The following ITPR1 variants were observed in gnomAD, a reference collection of about 807,000 sequenced individuals.
ITPR1 encodes inositol 1,4,5-trisphosphate-gated calcium channel ITPR1.
In ITPR1, 96 loss-of-function variants were observed where a neutral mutation model predicts 318.4. That is an observed-to-expected ratio of 0.30 (90% CI 0.26 to 0.36). The LOEUF (loss-of-function observed/expected upper bound fraction) is 0.36, where lower values mean the gene tolerates loss of function less well. ITPR1 is among the 10% of genes least tolerant of loss of function. The pLI is 1.00. For missense variants in ITPR1, 2,440 were observed against 3,460.2 expected (o/e 0.71, Z 7.40); for synonymous variants, 1,312 against 1,289.9 (o/e 1.02, Z -0.37).
chr3:4,774,419 T>A (rs923000093), intron 46 of ITPR1, among the ~76,000 whole-genome samples: 15 of 152,232 alleles, frequency 9.9e-5, no homozygotes, highest in Non-Finnish European at 1.3e-4. Context: ...ATTTAATCTT[T>A]TCCTATTGCC....
intron 4 of ITPR1, among the ~76,000 whole-genome samples, chr3:4,534,198 A>C (rs151105365): frequency 1.5e-3 from 233 of 152,244 alleles, no homozygotes; most frequent in Non-Finnish European, 2.6e-3. Context: ...TTGGTCTTTT[A>C]GTGTACCCAT....
At chr3:4,749,034 A>T (rs2044311315) in intron 44 of ITPR1, among the ~76,000 whole-genome samples, 1 of 152,224 alleles carries the variant, frequency 6.6e-6, no homozygotes. Flanking sequence ...GACATGACCC[A>T]GAACCAGGCA....
At chr3:4,825,335 G>C (rs2106518396) in intron 60 of ITPR1, among the ~76,000 whole-genome samples, 1 of 152,318 alleles carries the variant, frequency 6.6e-6, no homozygotes, top group Admixed American at 6.5e-5. Flanking sequence ...GGCTCAATGT[G>C]GCAGCAAGTG....
chr3:4,803,286 A>T (rs1333313665), intron 54 of ITPR1, among the ~76,000 whole-genome samples: 1 of 152,086 alleles, frequency 6.6e-6, no homozygotes, highest in Non-Finnish European at 1.5e-5. Flanking sequence ...TTTGGGGGGG[A>T]CACAGAACCA....
intron 44 of ITPR1, among the ~76,000 whole-genome samples, chr3:4,741,616 C>A (rs2043710760): frequency 6.6e-6 from 1 of 152,058 alleles, no homozygotes; most frequent in African/African-American, 2.4e-5. Flanking sequence ...AATCTCACAT[C>A]CCTTCCGGAA....
chr3:4,500,303 T>G (rs1040607114), intron 2 of ITPR1, among the ~76,000 whole-genome samples: 1 of 152,140 alleles, frequency 6.6e-6, no homozygotes, highest in Non-Finnish European at 1.5e-5. Context: ...GGGCTCAAGC[T>G]ACCCTCTCAC....
chr3:4,697,350 G>A (rs2094575908), intron 34 of ITPR1, 78 bp downstream of exon 34: 1 of 1,366,174 alleles, frequency 7.3e-7, no homozygotes, highest in Non-Finnish European at 9.9e-7. Context: ...GTGTGTGTGT[G>A]TGTAGCATCT....
At chr3:4,761,888 A>G (rs2045477678) in intron 44 of ITPR1, among the ~76,000 whole-genome samples, 1 of 152,170 alleles carries the variant, frequency 6.6e-6, no homozygotes, top group Admixed American at 6.5e-5. Flanking sequence ...AGGCTTAATG[A>G]ACAGGTCTGT....
At chr3:4,679,174 A>AG (rs756476577) in intron 24 of ITPR1, among the ~76,000 whole-genome samples, 1 of 152,224 alleles carries the variant, frequency 6.6e-6, no homozygotes, top group African/African-American at 2.4e-5. Flanking sequence ...GCTGATGATC[A>AG]GGCAACTGAC....
chr3:4,702,737 T>A, intron 35 of ITPR1, 93 bp from the exon 36 acceptor site: 1 of 1,353,276 alleles, frequency 7.4e-7, no homozygotes, highest in Non-Finnish European at 1.0e-6. Flanking sequence ...TGGGGTCCAG[T>A]GGTTCAAGAC....
chr3:4,544,878 T>C (rs530461496), intron 4 of ITPR1, among the ~76,000 whole-genome samples: 1 of 152,346 alleles, frequency 6.6e-6, no homozygotes, highest in African/African-American at 2.4e-5. Flanking sequence ...GCCTACAGCC[T>C]TGACCTCTTA....
intron 4 of ITPR1, among the ~76,000 whole-genome samples, chr3:4,592,601 A>G (rs1452846145): frequency 6.6e-6 from 1 of 151,756 alleles, no homozygotes; most frequent in Non-Finnish European, 1.5e-5. Context: ...GGACTGTCTG[A>G]CACCCTCTCC....
intron 20 of ITPR1, among the ~76,000 whole-genome samples, chr3:4,672,252 C>T (rs962468557): frequency 4.6e-5 from 7 of 152,218 alleles, no homozygotes; most frequent in Non-Finnish European, 8.8e-5. Flanking sequence ...AGTGTACACA[C>T]CCACCAGTTG....
chr3:4,741,778 G>A (rs2043724525), intron 44 of ITPR1, among the ~76,000 whole-genome samples: 1 of 152,334 alleles, frequency 6.6e-6, no homozygotes, highest in East Asian at 1.9e-4. Flanking sequence ...TGACAGGGCA[G>A]TCACCCTGAG....
intron 43 of ITPR1, 84 bp from the exon 44 acceptor site, chr3:4,735,080 A>G (rs892848018): frequency 3.6e-5 from 37 of 1,035,788 alleles, no homozygotes; most frequent in Non-Finnish European, 5.4e-5. Context: ...CATTTAGTGC[A>G]TAAAGTGTTG....
intron 54 of ITPR1, among the ~76,000 whole-genome samples, chr3:4,800,834 A>G (rs1330793505): frequency 6.6e-6 from 1 of 152,230 alleles, no homozygotes; most frequent in Middle Eastern, 3.2e-3. Context: ...TTTCACTTTT[A>G]GGGACTATCC....
intron 5 of ITPR1, among the ~76,000 whole-genome samples, chr3:4,634,450 A>T (rs1237151471): frequency 1.3e-5 from 2 of 151,718 alleles, no homozygotes; most frequent in African/African-American, 4.8e-5. Flanking sequence ...GAGCTGAAGC[A>T]ATCCACCCAC....
At chr3:4,657,193 G>A (rs907609805) in intron 12 of ITPR1, among the ~76,000 whole-genome samples, 3 of 152,092 alleles carry the variant, frequency 2.0e-5, no homozygotes, top group Non-Finnish European at 2.9e-5. Flanking sequence ...TTTTGGCTGC[G>A]TTGGGGTTGC....
At chr3:4,642,335 G>A (rs2093356506) in intron 7 of ITPR1, 84 bp downstream of exon 7, 1 of 1,107,288 alleles carries the variant, frequency 9.0e-7, no homozygotes, top group South Asian at 3.0e-5. Flanking sequence ...AGGAGACGTT[G>A]AAAGTTGGAA....
Sources: gnomAD v4.1 joint callset for allele counts (sites outside exome capture counted in the v4.1 genomes callset) on GRCh38, gnomAD v4.1.1 for gene constraint, MANE v1.5 for transcripts, NCBI Gene and HGNC (gene_info 2026-07-23, HGNC 2026-07-21) for gene names.